CAPS2: variants seen among roughly 807,000 people sequenced by gnomAD.
The protein encoded by CAPS2 is calcyphosin-2.
A neutral mutation model predicts 86.5 loss-of-function variants in CAPS2; 98 were observed. That is an observed-to-expected ratio of 1.13 (90% CI 0.96 to 1.34). The LOEUF (loss-of-function observed/expected upper bound fraction) is 1.34. Ranked by LOEUF, CAPS2 falls within the 40% of genes most tolerant of loss-of-function variation. The pLI, the probability that CAPS2 is intolerant of heterozygous loss-of-function variation, is 0.00. For synonymous variants in CAPS2, 210 were observed against 225.1 expected (o/e 0.93, Z 0.60); for missense variants, 729 against 686.8 (o/e 1.06, Z -0.69).
At chr12:75,326,527 A>G (rs893966059), upstream of CAPS2, 7 of 1,375,582 alleles carry the variant, frequency 5.1e-6, no homozygotes, top group Non-Finnish European at 7.1e-6. Context: ...CATGCAGTAT[A>G]CTTTGAAAAA....
chr12:75,293,214 C>T, intron 12 of CAPS2, 35 bp downstream of exon 12: 2 of 1,185,310 alleles, frequency 1.7e-6, no homozygotes, highest in Non-Finnish European at 2.5e-6. Flanking sequence ...GTGTTTTCAC[C>T]TACTTTCAAA....
At chr12:75,377,862 CGT>C (rs63284960) in intron 1 of CAPS2, among the ~76,000 whole-genome samples, 91,947 of 149,080 alleles carry the variant, frequency 0.62, 28,582 homozygotes, top group African/African-American at 0.7. Context: ...TATATATATG[CGT>C]GTGTGTGTGT....
chr12:75,387,941 G>A (rs868010411), intron 1 of CAPS2, among the ~76,000 whole-genome samples: 1 of 152,200 alleles, frequency 6.6e-6, no homozygotes, highest in African/African-American at 2.4e-5. Context: ...CAAAGGAGTT[G>A]AAAACTTATG....
chr12:75,289,295 C>A (rs1275138021), intron 14 of CAPS2, among the ~76,000 whole-genome samples: 1 of 152,142 alleles, frequency 6.6e-6, no homozygotes, highest in Non-Finnish European at 1.5e-5. Flanking sequence ...GAATCAGGTA[C>A]CTACCCCATG....
intron 1 of CAPS2, among the ~76,000 whole-genome samples, chr12:75,383,819 A>C (rs1175274887): frequency 6.6e-6 from 1 of 152,200 alleles, no homozygotes; most frequent in Admixed American, 6.5e-5. Flanking sequence ...GAAATCATGT[A>C]ATGCCTGCTC....
chr12:75,322,221 T>C (rs1382373489), intron 4 of CAPS2, among the ~76,000 whole-genome samples: 1 of 152,140 alleles, frequency 6.6e-6, no homozygotes, highest in Non-Finnish European at 1.5e-5. Context: ...ACCGAAATAT[T>C]ATTTGGTTCC....
chr12:75,327,028 G>C (rs1488796259), upstream of CAPS2, among the ~76,000 whole-genome samples: 1 of 152,122 alleles, frequency 6.6e-6, no homozygotes, highest in African/African-American at 2.4e-5. Flanking sequence ...TTTTCCTATG[G>C]CGCTTCCAGA....
intron 13 of CAPS2, among the ~76,000 whole-genome samples, 161 bp from the exon 14 acceptor site, chr12:75,289,936 TG>T (rs1187411623): frequency 6.6e-6 from 1 of 152,226 alleles, no homozygotes; most frequent in African/African-American, 2.4e-5. Flanking sequence ...GAAAATAGGA[TG>T]TTTTTAATCA....
At chr12:75,309,327 GC>G (rs1264738748) in intron 7 of CAPS2, among the ~76,000 whole-genome samples, 2 of 152,148 alleles carry the variant, frequency 1.3e-5, no homozygotes, top group Non-Finnish European at 2.9e-5. Context: ...CTGCTGCTTT[GC>G]TTCGCTATCT....
Position 75,304,804 on chromosome 12 carries a change from T to C in CAPS2, c.732A>G (p.Ser244=), listed in dbSNP as rs144151792. The change falls in exon 8 of 17, where the codon TCA becomes TCG. Residue 244 remains serine, a synonymous_variant. Coordinates refer to ENST00000393284, the Ensembl canonical transcript of CAPS2. ...TTCTAAATCGAAGAGGTGTCATCTT[T>C]GAATCTGGAAGGATATGATCACTTT... The C allele has an allele frequency of 3.1e-3, 5,000 of 1,609,830 alleles. 19 individuals are homozygous for C. Among genetic ancestry groups the C allele is most frequent in the Middle Eastern group, 6.0e-3 (36 of 6,050 alleles).
intron 1 of CAPS2, among the ~76,000 whole-genome samples, chr12:75,382,017 GTC>G (rs2045021542): frequency 6.6e-6 from 1 of 152,184 alleles, no homozygotes; most frequent in African/African-American, 2.4e-5. Context: ...ACGAAGTAAA[GTC>G]TATCTTTCTA....
chr12:75,283,228 T>G (rs866359672), intron 15 of CAPS2, among the ~76,000 whole-genome samples: 1 of 152,182 alleles, frequency 6.6e-6, no homozygotes, highest in African/African-American at 2.4e-5. Flanking sequence ...AATATTTCAC[T>G]GGGAAGAGTA....
intron 1 of CAPS2, among the ~76,000 whole-genome samples, chr12:75,359,050 T>C (rs1439414766): frequency 6.6e-6 from 1 of 150,376 alleles, no homozygotes; most frequent in African/African-American, 2.4e-5. Context: ...ATTGCTACTG[T>C]ATAGAAAATC....
chr12:75,294,416 T>C (rs991400278), intron 11 of CAPS2, among the ~76,000 whole-genome samples: 2 of 152,232 alleles, frequency 1.3e-5, no homozygotes, highest in African/African-American at 4.8e-5. Context: ...TAGATAAGCC[T>C]GTTGTCAGCT....
intron 1 of CAPS2, among the ~76,000 whole-genome samples, chr12:75,386,877 T>A (rs1450779511): frequency 3.3e-5 from 5 of 152,008 alleles, no homozygotes; most frequent in Non-Finnish European, 5.9e-5. Context: ...AAAACCAGTC[T>A]AAGCACAAAC....
intron 1 of CAPS2, among the ~76,000 whole-genome samples, chr12:75,355,939 GGC>G (rs1236314058): frequency 6.6e-6 from 1 of 152,108 alleles, no homozygotes; most frequent in East Asian, 1.9e-4. Context: ...GGGAACGCTT[GGC>G]CACACAAAGG....
rs371776747 is a variant in CAPS2, at chr12:75,306,327, G to A, written c.660-1451C>T. ...AGCTCTGCGGGAGGCTAATCCCACTGCCTACTGCTCCTGTAACAGTGTCTC... is the reference window on the plus strand; with the variant it reads ...AGCTCTGCGGGAGGCTAATCCCACTACCTACTGCTCCTGTAACAGTGTCTC... On this transcript the variant is annotated intron_variant, in intron 7 of 16. Coordinates refer to ENST00000393284, the Ensembl canonical transcript of CAPS2. The A allele has an allele frequency of 1.4e-4, 75 of 534,458 alleles. No homozygotes were observed. In the South Asian group the frequency reaches 1.6e-3, roughly 11 times the overall value. The allele number at this position is 534,458 out of a possible 1,614,324, so 33.1% of individuals were successfully genotyped here. A position where few individuals can be genotyped will look rare whatever the true frequency, so the allele number is the denominator to read the frequency against.
chr12:75,329,761 C>A (rs1462986741), upstream of CAPS2: 2 of 1,334,550 alleles, frequency 1.5e-6, no homozygotes, highest in South Asian at 1.5e-5. Context: ...TAATTTCAAG[C>A]AAAACAGGGT....
upstream of CAPS2, chr12:75,329,898 G>A (rs769220404): frequency 1.3e-6 from 2 of 1,537,598 alleles, no homozygotes; most frequent in Non-Finnish European, 1.8e-6. Flanking sequence ...GACAGGCGAG[G>A]GGCACAAGAG....
Sources: allele counts gnomAD v4.1 joint callset (sites outside exome capture counted in the v4.1 genomes callset), GRCh38; gene constraint gnomAD v4.1.1; transcripts MANE v1.5; gene names NCBI Gene and HGNC (gene_info 2026-07-23, HGNC 2026-07-21).